Variants in PGCKA1 observed in about 807,000 individuals in gnomAD.
The protein encoded by PGCKA1 is PDCD10 and GCKIII kinases associated 1, also known as PDCD10 and GCKIII kinases-associated protein 1.
chr4:37,522,044 A>G, the PGCKA1 span, among the ~76,000 whole-genome samples: 3 of 152,106 alleles, frequency 2.0e-5, no homozygotes, highest in African/African-American at 7.2e-5. Flanking sequence ...TCATCCCAAG[A>G]TTCCATTGGG....
the PGCKA1 span, among the ~76,000 whole-genome samples, chr4:37,516,755 C>A: frequency 6.6e-6 from 1 of 152,108 alleles, no homozygotes; most frequent in Non-Finnish European, 1.5e-5. Context: ...TCTTTAAAAG[C>A]AAATATGTGT....
chr4:37,476,990 C>T, the PGCKA1 span, among the ~76,000 whole-genome samples: 1 of 152,070 alleles, frequency 6.6e-6, no homozygotes, highest in Non-Finnish European at 1.5e-5. Context: ...AACAGTCTTG[C>T]AATTCCTTAA....
chr4:37,544,052 T>G, the PGCKA1 span, among the ~76,000 whole-genome samples: 2 of 152,202 alleles, frequency 1.3e-5, no homozygotes, highest in South Asian at 4.1e-4. Context: ...TTCTAGTAAC[T>G]TCTGATAGCC....
At chr4:37,590,500 C>T in the PGCKA1 span, 766 of 1,613,832 alleles carry the variant, frequency 4.7e-4, 1 homozygote, top group Non-Finnish European at 6.2e-4. Context: ...GGACTGTGTG[C>T]TGCTGGCCTC....
chr4:37,560,521 T>C, the PGCKA1 span, among the ~76,000 whole-genome samples: 4 of 152,222 alleles, frequency 2.6e-5, no homozygotes, highest in Non-Finnish European at 5.9e-5. Flanking sequence ...GGTGGCCAGC[T>C]GAGGCCAACC....
the PGCKA1 span, among the ~76,000 whole-genome samples, chr4:37,469,448 C>T: frequency 4.6e-5 from 7 of 152,082 alleles, no homozygotes; most frequent in South Asian, 6.2e-4. Flanking sequence ...GGAGAGAAAG[C>T]GTGGAAGAGC....
chr4:37,520,909 G>A, the PGCKA1 span, among the ~76,000 whole-genome samples: 42 of 152,258 alleles, frequency 2.8e-4, no homozygotes, highest in East Asian at 3.7e-3. Context: ...GAGCCACTGC[G>A]CCCAGCCCTT....
the PGCKA1 span, among the ~76,000 whole-genome samples, chr4:37,464,493 TTAAA>T: frequency 2.6e-5 from 4 of 152,162 alleles, no homozygotes; most frequent in African/African-American, 9.7e-5. Context: ...TAGTAAATGT[TTAAA>T]TAATCTGAGT....
the PGCKA1 span, among the ~76,000 whole-genome samples, chr4:37,505,959 CATT>C: frequency 3.3e-5 from 5 of 152,210 alleles, no homozygotes; most frequent in Non-Finnish European, 7.3e-5. Flanking sequence ...ACTTTGATCT[CATT>C]AATCGTTATT....
chr4:37,499,173 C>T, the PGCKA1 span, among the ~76,000 whole-genome samples: 4 of 152,184 alleles, frequency 2.6e-5, no homozygotes, highest in African/African-American at 9.7e-5. Context: ...AGGGATAAAG[C>T]CTACTTGGTC....
the PGCKA1 span, among the ~76,000 whole-genome samples, chr4:37,550,180 C>T: frequency 1.3e-5 from 2 of 152,146 alleles, no homozygotes; most frequent in South Asian, 4.2e-4. Context: ...CCCATGATCA[C>T]AGTCTTTGAA....
the PGCKA1 span, among the ~76,000 whole-genome samples, chr4:37,468,992 A>G: frequency 4.7e-3 from 712 of 152,304 alleles, 3 homozygotes; most frequent in Non-Finnish European, 7.5e-3. Flanking sequence ...TTTGGGTCAT[A>G]TACCTCTTAT....
At chr4:37,485,220 T>G in the PGCKA1 span, among the ~76,000 whole-genome samples, 1 of 152,162 alleles carries the variant, frequency 6.6e-6, no homozygotes, top group South Asian at 2.1e-4. Context: ...GTATTGTTTA[T>G]GTTAAGGAAG....
chr4:37,579,424 T>G, the PGCKA1 span, among the ~76,000 whole-genome samples: 1 of 152,224 alleles, frequency 6.6e-6, no homozygotes, highest in East Asian at 1.9e-4. Flanking sequence ...ATTGAAGTAC[T>G]CCCTTTAGCA....
At chr4:37,505,033 T>G in the PGCKA1 span, among the ~76,000 whole-genome samples, 1 of 152,206 alleles carries the variant, frequency 6.6e-6, no homozygotes, top group African/African-American at 2.4e-5. Flanking sequence ...TTTTCCCCAT[T>G]CAGTATGATA....
the PGCKA1 span, chr4:37,588,791 T>C: frequency 7.7e-7 from 1 of 1,290,800 alleles, no homozygotes; most frequent in Non-Finnish European, 1.1e-6. Flanking sequence ...GCAAACTTAA[T>C]TCCTACTAAT....
the PGCKA1 span, among the ~76,000 whole-genome samples, chr4:37,528,639 G>T: frequency 6.6e-6 from 1 of 152,118 alleles, no homozygotes; most frequent in African/African-American, 2.4e-5. Flanking sequence ...CAGCTCTTTT[G>T]CAATTGCCCA....
chr4:37,521,506 T>C, the PGCKA1 span, among the ~76,000 whole-genome samples: 1 of 152,226 alleles, frequency 6.6e-6, no homozygotes, highest in South Asian at 2.1e-4. Flanking sequence ...AAAATTGCTC[T>C]TGTTATTCAT....
At chr4:37,554,219 G>A in the PGCKA1 span, among the ~76,000 whole-genome samples, 1 of 152,142 alleles carries the variant, frequency 6.6e-6, no homozygotes, top group Non-Finnish European at 1.5e-5. Context: ...TGATTGTGAG[G>A]CCTCCCCAGC....
Sources: allele counts gnomAD v4.1 joint callset (sites outside exome capture counted in the v4.1 genomes callset), GRCh38; gene constraint gnomAD v4.1.1; transcripts MANE v1.5; gene names NCBI Gene and HGNC (gene_info 2026-07-23, HGNC 2026-07-21).